LEPR: variants seen among roughly 807,000 people sequenced by gnomAD.
LEPR encodes leptin receptor.
In LEPR, 56 loss-of-function variants were observed where a neutral mutation model predicts 114.7. That is an observed-to-expected ratio of 0.49 (90% CI 0.39 to 0.61). The LOEUF is 0.61. Among genes scored for constraint, LEPR ranks in the 20% least tolerant of loss-of-function variants. The pLI, the probability that LEPR is intolerant of heterozygous loss-of-function variation, is 0.00. For synonymous variants in LEPR, 443 were observed against 461.4 expected (o/e 0.96, Z 0.51); for missense variants, 1,202 against 1,352.9 (o/e 0.89, Z 1.75).
At position 65,605,039 on chromosome 1, in the gene LEPR, A is replaced by G; in HGVS notation, c.1405A>G (p.Ser469Gly). ...ESTLQLRYHR[S>G]SLYCSDIPSI... is the part of the protein sequence containing the mutation. ...TGACTATTTTTGTATCTTTTAAAGG[A>G]GCAGCCTTTACTGTTCTGATATTCC... The change falls in exon 11 of 20, where the codon AGC (serine) becomes GGC (glycine). Residue 469 changes from serine (S) to glycine (G), a missense_variant and splice_region_variant. By Grantham distance (56) the Ser-to-Gly change is moderately conservative (BLOSUM62 0). Coordinates refer to ENST00000349533, the MANE Select transcript of LEPR (RefSeq NM_002303.6). 1 of 1,612,426 alleles carries G rather than the reference A, an allele frequency of 6.2e-7. No individual in the cohort carries two copies. Among genetic ancestry groups the G allele is most frequent in the Non-Finnish European group, 8.5e-7 (1 of 1,179,986 alleles).
At chr1:65,432,092 C>T (rs1303183116) in intron 2 of LEPR, 7 of 1,310,194 alleles carry the variant, frequency 5.3e-6, no homozygotes, top group Non-Finnish European at 6.8e-6. Flanking sequence ...TTATTCTCAG[C>T]AAATAGACCT....
chr1:65,607,164 T>G (rs1302984054), intron 11 of LEPR, among the ~76,000 whole-genome samples: 7 of 152,196 alleles, frequency 4.6e-5, no homozygotes, highest in Admixed American at 3.3e-4. Context: ...GTGTCTACAT[T>G]TGGCCTTAGT....
intron 2 of LEPR, among the ~76,000 whole-genome samples, chr1:65,551,185 G>T (rs74705942): frequency 1.6e-4 from 25 of 151,948 alleles, no homozygotes; most frequent in African/African-American, 5.8e-4. Flanking sequence ...TTCTTTTTTT[G>T]TTTTGTCTAT....
At chr1:65,531,993 T>C (rs2100623365) in intron 2 of LEPR, among the ~76,000 whole-genome samples, 1 of 152,280 alleles carries the variant, frequency 6.6e-6, no homozygotes, top group East Asian at 1.9e-4. Flanking sequence ...CCAATTTGCA[T>C]TCCTGTTTTT....
intron 4 of LEPR, among the ~76,000 whole-genome samples, chr1:65,571,188 C>T (rs912607699): frequency 3.3e-5 from 5 of 152,036 alleles, no homozygotes; most frequent in East Asian, 1.9e-4. Context: ...AAAGAATATA[C>T]GTTTTAAAGA....
At chr1:65,506,904 C>T (rs535973899) in intron 2 of LEPR, among the ~76,000 whole-genome samples, 4 of 152,226 alleles carry the variant, frequency 2.6e-5, no homozygotes, top group African/African-American at 7.2e-5. Flanking sequence ...ACTGAAACTT[C>T]GTATCAGCTG....
chr1:65,448,004 A>G (rs1262568547), intron 2 of LEPR, among the ~76,000 whole-genome samples: 1 of 152,094 alleles, frequency 6.6e-6, no homozygotes, highest in Non-Finnish European at 1.5e-5. Context: ...AGATCCATGT[A>G]CCTTTCATTT....
intron 2 of LEPR, among the ~76,000 whole-genome samples, chr1:65,514,606 T>C (rs1401600477): frequency 6.6e-6 from 1 of 152,262 alleles, no homozygotes; most frequent in Non-Finnish European, 1.5e-5. Context: ...TATGCATATA[T>C]ATTTTAAAAT....
Position 65,620,040 on chromosome 1 carries a change from T to C in LEPR, c.2491+17T>C. 6.3e-7 allele frequency: 1 copy of C among 1,583,512 alleles called. No homozygotes were observed. Among genetic ancestry groups the C allele is most frequent in the African/African-American group, 1.3e-5 (1 of 74,434 alleles). ...TCACTCAAGGTAAAAATTATAATTT[T>C]AGTTTCCTTTTACACCAATGTGTGT... On this transcript the variant is annotated intron_variant, in intron 17 of 19. Coordinates refer to ENST00000349533, the MANE Select transcript of LEPR (RefSeq NM_002303.6).
intron 17 of LEPR, 78 bp from the exon 18 acceptor site, chr1:65,621,275 C>T (rs1200145419): frequency 8.3e-7 from 1 of 1,209,816 alleles, no homozygotes; most frequent in Non-Finnish European, 1.2e-6. Flanking sequence ...CAGAAAATGT[C>T]TACTATAATT....
chr1:65,474,453 C>T (rs1647130244), intron 2 of LEPR, among the ~76,000 whole-genome samples: 1 of 152,136 alleles, frequency 6.6e-6, no homozygotes, highest in Non-Finnish European at 1.5e-5. Flanking sequence ...TAATTGGTAG[C>T]ATATCATTTA....
chr1:65,425,209 G>T (rs1290248517), intron 1 of LEPR, 94 bp from the exon 2 acceptor site: 10 of 991,950 alleles, frequency 1.0e-5, no homozygotes, highest in East Asian at 2.4e-5. Flanking sequence ...AGAAACTCTG[G>T]ACCTATTAGA....
At chr1:65,619,242 TTCTC>T (rs1247115001) in intron 16 of LEPR, among the ~76,000 whole-genome samples, 1 of 152,202 alleles carries the variant, frequency 6.6e-6, no homozygotes, top group East Asian at 1.9e-4. Flanking sequence ...CGCAGGTAGT[TTCTC>T]TCTGTGCTTT....
At chr1:65,593,062 T>C (rs1655816197) in intron 6 of LEPR, among the ~76,000 whole-genome samples, 197 bp downstream of exon 6, 1 of 152,124 alleles carries the variant, frequency 6.6e-6, no homozygotes. Context: ...CCATTGTCAC[T>C]TAAATTCTGT....
intron 2 of LEPR, among the ~76,000 whole-genome samples, chr1:65,550,684 A>T (rs896232760): frequency 2.4e-4 from 36 of 152,272 alleles, no homozygotes; most frequent in Non-Finnish European, 2.9e-5. Context: ...CTCAGTATTC[A>T]GGTGGGAGTG....
At chr1:65,533,032 A>C (rs949231214) in intron 2 of LEPR, among the ~76,000 whole-genome samples, 7 of 152,208 alleles carry the variant, frequency 4.6e-5, no homozygotes, top group African/African-American at 1.7e-4. Context: ...AATACTTTAA[A>C]AATAAAGTAT....
chr1:65,464,279 T>C (rs1425594531), intron 2 of LEPR, among the ~76,000 whole-genome samples: 1 of 152,226 alleles, frequency 6.6e-6, no homozygotes, highest in African/African-American at 2.4e-5. Flanking sequence ...TCTATTGAGA[T>C]AATCATGTGG....
rs1170341978 is a variant in LEPR, at chr1:65,447,538, T to C, written c.-21+22160T>C. 2.0e-5 allele frequency among the ~76,000 whole-genome samples: 3 copies of C among 150,624 alleles called. No homozygotes were observed. The Admixed American group carries it at 2.0e-4, about 10-fold the overall frequency. ...TGGTATTGTGATTTTTCTTTTCTTT[T>C]TTTTTTTTTTTGATACAGGGTCTCA... On this transcript the variant is annotated intron_variant, in intron 2 of 19. Transcript: ENST00000349533.
At chr1:65,528,628 G>A (rs1650144991) in intron 2 of LEPR, among the ~76,000 whole-genome samples, 1 of 151,662 alleles carries the variant, frequency 6.6e-6, no homozygotes, top group Admixed American at 6.6e-5. Context: ...ATAGAGAGAA[G>A]CATATAAAAC....
Sources: allele counts gnomAD v4.1 joint callset (sites outside exome capture counted in the v4.1 genomes callset), GRCh38; gene constraint gnomAD v4.1.1; transcripts MANE v1.5; gene names NCBI Gene and HGNC (gene_info 2026-07-23, HGNC 2026-07-21).